The following ITGB5 variants were observed in gnomAD, a reference collection of about 807,000 sequenced individuals.
ITGB5 encodes integrin beta-5.
A neutral mutation model predicts 84.8 loss-of-function variants in ITGB5; 38 were observed. That is an observed-to-expected ratio of 0.45 (90% confidence interval 0.35 to 0.59). The LOEUF (loss-of-function observed/expected upper bound fraction) is 0.59, where lower values mean the gene tolerates loss of function less well. ITGB5 is among the 20% of genes least tolerant of loss of function. The pLI is 0.01. For missense variants in ITGB5, 905 were observed against 1,034.5 expected, an observed-to-expected ratio of 0.87 and a Z score of 1.72; for synonymous variants, 393 against 414.4, an observed-to-expected ratio of 0.95 and a Z score of 0.63.
chr3:124,869,701 T>A (rs770765951), intron 2 of ITGB5, among the ~76,000 whole-genome samples: 6 of 152,136 alleles, frequency 3.9e-5, no homozygotes, highest in Non-Finnish European at 7.4e-5. Context: ...GCAGGGATCA[T>A]AGGAATTTCT....
intron 10 of ITGB5, among the ~76,000 whole-genome samples, chr3:124,788,097 G>A (rs917280768): frequency 6.6e-6 from 1 of 151,952 alleles, no homozygotes; most frequent in African/African-American, 2.4e-5. Context: ...ACGGGGCCTT[G>A]CTATGTTACC....
intron 1 of ITGB5, among the ~76,000 whole-genome samples, chr3:124,898,773 T>TAA (rs36079714): frequency 0.065 from 7,116 of 109,690 alleles, 622 homozygotes; most frequent in African/African-American, 0.12. Context: ...CCCCATGTCT[T>TAA]AAAAAAAAAA....
chr3:124,849,687 T>C (rs887597958), intron 3 of ITGB5, among the ~76,000 whole-genome samples: 3 of 152,098 alleles, frequency 2.0e-5, no homozygotes, highest in African/African-American at 7.2e-5. Flanking sequence ...GGGGAATTAA[T>C]TCAGAGGAAA....
At chr3:124,793,285 C>T (rs1398518729) in intron 10 of ITGB5, among the ~76,000 whole-genome samples, 2 of 152,196 alleles carry the variant, frequency 1.3e-5, no homozygotes, top group African/African-American at 2.4e-5. Flanking sequence ...AGGGTGAAGA[C>T]ATACCAGAGG....
At chr3:124,874,063 T>TA (rs34076180) in intron 1 of ITGB5, among the ~76,000 whole-genome samples, 50 of 142,410 alleles carry the variant, frequency 3.5e-4, no homozygotes, top group South Asian at 8.9e-4. Context: ...ATAGGTCAAA[T>TA]AAAAAAAAAA....
At chr3:124,896,213 G>A (rs543426170) in intron 1 of ITGB5, among the ~76,000 whole-genome samples, 89 of 152,188 alleles carry the variant, frequency 5.8e-4, no homozygotes, top group Non-Finnish European at 9.9e-4. Flanking sequence ...GCTTCCTAGC[G>A]AATCCACCCC....
chr3:124,779,373 C>T (rs755466544), intron 10 of ITGB5, among the ~76,000 whole-genome samples: 3 of 152,162 alleles, frequency 2.0e-5, no homozygotes, highest in Middle Eastern at 3.4e-3. Flanking sequence ...TACTGGGGGG[C>T]GAGAAACGTG....
chr3:124,794,304 TA>T (rs1269155642), intron 10 of ITGB5, among the ~76,000 whole-genome samples: 3 of 152,236 alleles, frequency 2.0e-5, no homozygotes, highest in African/African-American at 7.2e-5. Flanking sequence ...ACTTGTCATT[TA>T]ACTGGAATCA....
intron 13 of ITGB5, among the ~76,000 whole-genome samples, 159 bp downstream of exon 13, chr3:124,766,059 CAAAAAAAA>C (rs376914121): frequency 3.8e-5 from 4 of 104,446 alleles, no homozygotes; most frequent in African/African-American, 1.4e-4. Flanking sequence ...CAGCCTGTGT[CAAAAAAAA>C]AAAAAAAAAG....
chr3:124,899,208 C>G (rs923449294), intron 1 of ITGB5, among the ~76,000 whole-genome samples: 18 of 152,114 alleles, frequency 1.2e-4, no homozygotes, highest in African/African-American at 4.1e-4. Context: ...TTTTCATATT[C>G]CAGGACACGC....
At position 124,865,978 on chromosome 3, in the gene ITGB5, C is replaced by T. The variant is rs898239381; in HGVS notation, c.157-6532G>A. ...TCTGCTACTTATTATAATATGTTAA[C>T]ACCTGACTCCATATATATTTTGTTT... On this transcript the variant is annotated intron_variant, in intron 2 of 14. Coordinates refer to ENST00000296181, the MANE Select transcript of ITGB5 (RefSeq NM_002213.5). 2.6e-5 allele frequency among the ~76,000 whole-genome samples: 4 copies of T among 152,116 alleles called. No homozygotes were observed. In the South Asian group the frequency reaches 8.3e-4, roughly 32 times the overall value.
chr3:124,876,971 G>T (rs1180280422), intron 1 of ITGB5, among the ~76,000 whole-genome samples: 1 of 150,302 alleles, frequency 6.7e-6, no homozygotes, highest in South Asian at 2.1e-4. Context: ...TTTCTTGTTT[G>T]TTTTTTTTTC....
At chr3:124,805,474 C>T (rs778816119) in intron 9 of ITGB5, among the ~76,000 whole-genome samples, 2 of 151,542 alleles carry the variant, frequency 1.3e-5, no homozygotes, top group African/African-American at 2.4e-5. Context: ...TTTTAAGAGA[C>T]GAGGTCTCAC....
intron 3 of ITGB5, among the ~76,000 whole-genome samples, chr3:124,850,787 C>T (rs1250742532): frequency 6.6e-6 from 1 of 152,042 alleles, no homozygotes; most frequent in Non-Finnish European, 1.5e-5. Flanking sequence ...TTCCAGGCTG[C>T]TGCAGTGTCT....
Position 124,807,365 on chromosome 3 carries a change from G to A in ITGB5, c.1263+1657C>T, listed in dbSNP as rs369340888. Among the ~76,000 whole-genome samples, 4 of 152,194 alleles carry A rather than the reference G, an allele frequency of 2.6e-5. No individual in the cohort carries two copies. In the South Asian group the frequency reaches 6.2e-4, roughly 24 times the overall value. ...TGGGAAGCGGAGGTTGCAGTGAGCC[G>A]AGATCGTGCCACGGCACTCCAGCCT... On this transcript the variant is annotated intron_variant, in intron 9 of 14. Coordinates refer to ENST00000296181, the MANE Select transcript of ITGB5 (RefSeq NM_002213.5).
chr3:124,847,631 G>A (rs2065095269), intron 4 of ITGB5, among the ~76,000 whole-genome samples: 1 of 152,204 alleles, frequency 6.6e-6, no homozygotes, highest in African/African-American at 2.4e-5. Context: ...AAGATGGAAA[G>A]CACCTGAGTC....
At chr3:124,848,192 TA>T in intron 4 of ITGB5, 116 bp downstream of exon 4, 1 of 1,219,176 alleles carries the variant, frequency 8.2e-7, no homozygotes, top group Non-Finnish European at 1.2e-6. Context: ...ATTAAACGCC[TA>T]AGCCTGGCCA....
rs776763044 is a variant in ITGB5, at chr3:124,848,298, T to C, written c.611+11A>G. On this transcript the variant is annotated intron_variant, in intron 4 of 14. Transcript: ENST00000296181. ...CTTAAGTACCCAACAGAAGGGCAAC[T>C]GGTCACTTACCCAATGCACGGATTG... is the stretch of plus-strand genomic sequence containing the variant. 1 of 1,612,580 alleles carries C rather than the reference T, an allele frequency of 6.2e-7. No individual in the cohort carries two copies. Among genetic ancestry groups the C allele is most frequent in the Non-Finnish European group, 8.5e-7 (1 of 1,178,666 alleles).
chr3:124,898,584 C>T (rs1190609017), intron 1 of ITGB5, among the ~76,000 whole-genome samples: 6 of 124,194 alleles, frequency 4.8e-5, no homozygotes, highest in Non-Finnish European at 7.9e-5. Flanking sequence ...GCAGAGTTTG[C>T]AGTGAGCCAA....
Sources: allele counts gnomAD v4.1 joint callset (sites outside exome capture counted in the v4.1 genomes callset), GRCh38; gene constraint gnomAD v4.1.1; transcripts MANE v1.5; gene names NCBI Gene and HGNC (gene_info 2026-07-23, HGNC 2026-07-21).